Variants in WNT8B observed in about 807,000 individuals in gnomAD.
The protein encoded by WNT8B is protein Wnt-8b.
Under a neutral mutation model 36.6 loss-of-function variants are expected in WNT8B, and 24 were observed. The ratio of observed to expected loss-of-function variants is 0.66; its 90% confidence interval spans 0.48 to 0.92. The LOEUF (loss-of-function observed/expected upper bound fraction) is 0.92. Ranked by LOEUF, WNT8B falls within the 40% of genes least tolerant of loss-of-function variation. The pLI, the probability that WNT8B is intolerant of heterozygous loss-of-function variation, is 0.00. For missense variants in WNT8B, 402 were observed against 470.8 expected (o/e 0.85, Z 1.35); for synonymous variants, 199 against 189.8 (o/e 1.05, Z -0.40).
Position 100,482,990 on chromosome 10 carries a change from C to T in WNT8B, c.*174C>T. 1 of 715,268 alleles carries T rather than the reference C, an allele frequency of 1.4e-6. No individual in the cohort carries two copies. The highest frequency in any genetic ancestry group is 2.2e-6 in the Non-Finnish European group (1 of 459,704). 44.3% of individuals were successfully genotyped at this position (715,268 alleles called of 1,614,324 possible). A position where few individuals can be genotyped will look rare whatever the true frequency, so the allele number is the denominator to read the frequency against. ...TTTCCAGCCTGTTTCCCCAATTCCT[C>T]TGTGCTCTCCTAGAGCTCTGTCTGA... On this transcript the variant is annotated 3_prime_UTR_variant, in exon 6 of 6. Transcript: ENST00000343737. This position sits in a 1 kb window ranked among gnomAD's most constrained non-coding sequence, Gnocchi z 6.6.
In WNT8B at chr10:100,463,071, G is replaced by A; in HGVS notation, c.-98G>A. ...ACACACCAAGGAAGTTGGGCTTTGA[G>A]AATTCCATCCCACTGGCACTGAGGA... On this transcript the variant is annotated 5_prime_UTR_variant, in exon 1 of 6. Coordinates refer to ENST00000343737, the MANE Select transcript of WNT8B (RefSeq NM_003393.4). 1 of 1,176,188 alleles carries A rather than the reference G, an allele frequency of 8.5e-7. No individual in the cohort carries two copies. The allele number at this position is 1,176,188 out of a possible 1,614,324, so 72.9% of individuals were successfully genotyped here.
chr10:100,479,194 T>C, intron 2 of WNT8B, 109 bp downstream of exon 2: 3 of 1,085,730 alleles, frequency 2.8e-6, no homozygotes, highest in Non-Finnish European at 3.8e-6. Context: ...TTATGCTGTA[T>C]ACATTACAGA....
chr10:100,469,340 TC>T (rs1406374781), intron 1 of WNT8B, among the ~76,000 whole-genome samples: 1 of 152,224 alleles, frequency 6.6e-6, no homozygotes, highest in Non-Finnish European at 1.5e-5. Context: ...AATAGATCCC[TC>T]CACTGATACC....
intron 1 of WNT8B, among the ~76,000 whole-genome samples, chr10:100,477,579 G>T (rs192128203): frequency 6.6e-6 from 1 of 152,140 alleles, no homozygotes; most frequent in African/African-American, 2.4e-5. Flanking sequence ...GATTACAGGC[G>T]TGAGCCACCG....
chr10:100,479,825 T>A lies in WNT8B; in HGVS notation c.103-49T>A, dbSNP rs1288346668. The A allele has an allele frequency of 2.5e-6, 4 of 1,604,624 alleles. No individual in the cohort carries two copies. In the Admixed American group the frequency reaches 6.7e-5, roughly 27 times the overall value. ...AGAGGGCTGTTTGGTCAGTTTAGGG[T>A]AAATGCCTCCTAAGTTCAGTCTGAA... On this transcript the variant is annotated intron_variant, in intron 2 of 5. Coordinates refer to ENST00000343737, the MANE Select transcript of WNT8B (RefSeq NM_003393.4).
chr10:100,464,983 A>C (rs1373091942), intron 1 of WNT8B, among the ~76,000 whole-genome samples: 1 of 152,178 alleles, frequency 6.6e-6, no homozygotes, highest in Non-Finnish European at 1.5e-5. Flanking sequence ...GAGAAATTTG[A>C]CCAACCACAG....
chr10:100,465,988 A>G (rs1850903658), intron 1 of WNT8B, among the ~76,000 whole-genome samples: 1 of 152,150 alleles, frequency 6.6e-6, no homozygotes, highest in African/African-American at 2.4e-5. Flanking sequence ...TATGAACAAT[A>G]AAATACAAAC....
rs530372738 is a variant in WNT8B, at chr10:100,466,331, A to T, written c.68+3095A>T. 1.1e-3 allele frequency among the ~76,000 whole-genome samples: 169 copies of T among 152,218 alleles called. 1 individual carries two copies. Among genetic ancestry groups the T allele is most frequent in the African/African-American group, 3.7e-3 (153 of 41,546 alleles). ...GTGGAGTAGCTCTGAGGTGGGCTAG[A>T]TCAGCAGCTGCACTGTAGGAAGGCC... On this transcript the variant is annotated intron_variant, in intron 1 of 5. Transcript: ENST00000343737.
chr10:100,463,194 A>T lies in WNT8B; in HGVS notation c.26A>T (p.Tyr9Phe). The change falls in exon 1 of 6, where the codon TAC becomes TTC. Residue 9 changes from tyrosine to phenylalanine, a missense_variant. Coordinates refer to ENST00000343737, the MANE Select transcript of WNT8B (RefSeq NM_003393.4). Reference sequence around the variant, plus strand: ...ATGTTTCTTTCAAAGCCTTCTGTGTACATCTGTCTTTTCACCTGTGTCCTC... The same window carrying T: ...ATGTTTCTTTCAAAGCCTTCTGTGTTCATCTGTCTTTTCACCTGTGTCCTC... Reference protein sequence around the residue: MFLSKPSVYICLFTCVLQL... With the variant: MFLSKPSVFICLFTCVLQL... 1 of 1,614,022 alleles carries T rather than the reference A, an allele frequency of 6.2e-7. No homozygotes were observed. The highest frequency in any genetic ancestry group is 8.5e-7 in the Non-Finnish European group (1 of 1,179,960).
chr10:100,482,063 C>G lies in WNT8B; in HGVS notation c.510+9C>G. 6.2e-7 allele frequency: 1 copy of G among 1,614,004 alleles called. No individual in the cohort carries two copies. Among genetic ancestry groups the G allele is most frequent in the African/African-American group, 1.3e-5 (1 of 75,032 alleles). On this transcript the variant is annotated intron_variant, in intron 5 of 5. Coordinates refer to ENST00000343737, the MANE Select transcript of WNT8B (RefSeq NM_003393.4). The surrounding 1 kb of genome is among the most constrained non-coding windows in gnomAD (Gnocchi z 6.6). The stretch of plus-strand genomic sequence containing the variant: ...ACGAGGCTGGCCGCAAGGTGAGTCC[C>G]GCAGCCCTTGGAAATAGGCAGCTGC...
intron 1 of WNT8B, among the ~76,000 whole-genome samples, chr10:100,473,139 T>C (rs1850997979): frequency 6.6e-6 from 1 of 152,192 alleles, no homozygotes; most frequent in Admixed American, 6.5e-5. Flanking sequence ...AGGCAGCCCA[T>C]ACTTAAGTAT....
At chr10:100,466,524 C>A (rs533496139) in intron 1 of WNT8B, among the ~76,000 whole-genome samples, 1 of 152,104 alleles carries the variant, frequency 6.6e-6, no homozygotes, top group East Asian at 1.9e-4. Flanking sequence ...CTGTGAGTAT[C>A]CTGGGAAAAG....
intron 1 of WNT8B, among the ~76,000 whole-genome samples, chr10:100,469,773 G>A (rs540992260): frequency 1.3e-5 from 2 of 152,294 alleles, no homozygotes; most frequent in East Asian, 3.9e-4. Flanking sequence ...TCAGATGTGT[G>A]GATGCTGTGG....
chr10:100,478,163 T>A lies in WNT8B; in HGVS notation c.69-889T>A, dbSNP rs975455456. ...TTTTTAGAGTTTTATTATGACTCAA[T>A]CCCTAGAGAGATATTCCACTGTTTG... is the stretch of plus-strand genomic sequence containing the variant. On this transcript the variant is annotated intron_variant, in intron 1 of 5. Coordinates refer to ENST00000343737, the MANE Select transcript of WNT8B (RefSeq NM_003393.4). 3.9e-5 allele frequency among the ~76,000 whole-genome samples: 6 copies of A among 152,296 alleles called. No individual in the cohort carries two copies. The South Asian group carries it at 1.2e-3, about 32-fold the overall frequency.
intron 2 of WNT8B, among the ~76,000 whole-genome samples, 193 bp downstream of exon 2, chr10:100,479,278 T>C (rs895328838): frequency 6.6e-5 from 10 of 152,120 alleles, no homozygotes; most frequent in African/African-American, 2.4e-4. Context: ...AGCGCCAAGA[T>C]AAGAACGCAG....
Position 100,482,031 on chromosome 10 carries a change from CACA to C in WNT8B, c.493_495del (p.Asn165del). The stretch of plus-strand genomic sequence containing the variant: ...GGATGCACGGGCAGCCATGAACCTG[CACA>C]ACAACGAGGCTGGCCGCAAGGTGAG... On this transcript the variant is annotated inframe_deletion, in exon 5 of 6. Coordinates refer to ENST00000343737, the MANE Select transcript of WNT8B (RefSeq NM_003393.4). This position sits in a 1 kb window ranked among gnomAD's most constrained non-coding sequence, Gnocchi z 6.6. 5 of 1,614,170 alleles carry C rather than the reference CACA, an allele frequency of 3.1e-6. No individual in the cohort carries two copies. Among genetic ancestry groups the C allele is most frequent in the Non-Finnish European group, 4.2e-6 (5 of 1,180,020 alleles).
At chr10:100,470,516 C>T (rs796562797) in intron 1 of WNT8B, among the ~76,000 whole-genome samples, 17 of 152,076 alleles carry the variant, frequency 1.1e-4, no homozygotes, top group African/African-American at 3.6e-4. Context: ...CAGGCATGAG[C>T]CACCATGCCC....
intron 2 of WNT8B, 86 bp downstream of exon 2, chr10:100,479,171 T>G (rs1054153105): frequency 3.1e-6 from 4 of 1,294,380 alleles, no homozygotes. Flanking sequence ...TTTCATTATA[T>G]CCACATATTT....
At chr10:100,479,698 T>C (rs1374362250) in intron 2 of WNT8B, among the ~76,000 whole-genome samples, 176 bp from the exon 3 acceptor site, 1 of 152,212 alleles carries the variant, frequency 6.6e-6, no homozygotes, top group Non-Finnish European at 1.5e-5. Flanking sequence ...TTTCCTAATC[T>C]ATAATATAGT....
Sources: gnomAD v4.1 joint callset for allele counts (sites outside exome capture counted in the v4.1 genomes callset) on GRCh38, gnomAD v4.1.1 for gene constraint, Gnocchi (gnomAD v3.1) non-coding constraint, MANE v1.5 for transcripts, NCBI Gene and HGNC (gene_info 2026-07-23, HGNC 2026-07-21) for gene names.